The following CCDC63 variants were observed in gnomAD, a reference collection of about 807,000 sequenced individuals.
CCDC63 encodes the protein coiled-coil domain containing 63.
Under a neutral mutation model 63.6 loss-of-function variants are expected in CCDC63, and 54 were observed. The observed-to-expected ratio is 0.85, with a 90% CI of 0.68 to 1.07. CCDC63 has a LOEUF of 1.07. Ranked by LOEUF, CCDC63 falls within the 50% of genes least tolerant of loss-of-function variation. The pLI is 0.00. For missense variants in CCDC63, 637 were observed against 689.6 expected, an observed-to-expected ratio of 0.92 and a Z score of 0.86; for synonymous variants, 253 against 266.1, an observed-to-expected ratio of 0.95 and a Z score of 0.48.
chr12:110,865,619 T>C (rs2070937388), intron 4 of CCDC63, among the ~76,000 whole-genome samples: 1 of 152,166 alleles, frequency 6.6e-6, no homozygotes, highest in Admixed American at 6.6e-5. Context: ...GTTAACTAAA[T>C]AGTGTTGCGG....
At chr12:110,850,694 T>C (rs2070695274) in intron 1 of CCDC63, among the ~76,000 whole-genome samples, 1 of 152,212 alleles carries the variant, frequency 6.6e-6, no homozygotes. Flanking sequence ...TGAGCCGAGA[T>C]TGTGCCGTTG....
At chr12:110,869,745 G>C (rs1050344804) in intron 4 of CCDC63, among the ~76,000 whole-genome samples, 2 of 152,062 alleles carry the variant, frequency 1.3e-5, no homozygotes, top group African/African-American at 4.8e-5. Context: ...ATTTTTTCCT[G>C]CCAGCCATGG....
intron 1 of CCDC63, among the ~76,000 whole-genome samples, chr12:110,847,627 A>C (rs1305312686): frequency 1.3e-5 from 2 of 152,140 alleles, no homozygotes; most frequent in East Asian, 3.8e-4. Context: ...AAAAACAAAA[A>C]ACAAAACAAA....
At chr12:110,865,276 G>C (rs925229683) in intron 4 of CCDC63, among the ~76,000 whole-genome samples, 1 of 152,078 alleles carries the variant, frequency 6.6e-6, no homozygotes, top group Non-Finnish European at 1.5e-5. Context: ...ACTTCTTGCT[G>C]CCTAAAATCC....
chr12:110,847,405 C>T (rs937110597), intron 1 of CCDC63, among the ~76,000 whole-genome samples: 1 of 151,740 alleles, frequency 6.6e-6, no homozygotes, highest in African/African-American at 2.4e-5. Flanking sequence ...TATTTAAAAA[C>T]TTAGCCGGGC....
At chr12:110,848,227 A>G (rs1005503766) in intron 1 of CCDC63, among the ~76,000 whole-genome samples, 5 of 152,218 alleles carry the variant, frequency 3.3e-5, no homozygotes, top group African/African-American at 9.7e-5. Context: ...TGCATGACCC[A>G]CATTTATGTT....
chr12:110,872,489 C>T (rs2071079908), intron 4 of CCDC63, among the ~76,000 whole-genome samples: 1 of 136,012 alleles, frequency 7.4e-6, no homozygotes, highest in African/African-American at 2.9e-5. Context: ...AGAATGGTGA[C>T]CAACTCTCGT....
intron 8 of CCDC63, among the ~76,000 whole-genome samples, chr12:110,886,262 C>G (rs2071277139): frequency 6.6e-6 from 1 of 152,150 alleles, no homozygotes; most frequent in South Asian, 2.1e-4. Context: ...TGGCCTGCAC[C>G]TGCAATCCCA....
At chr12:110,870,592 C>G (rs985485598) in intron 4 of CCDC63, among the ~76,000 whole-genome samples, 3 of 152,228 alleles carry the variant, frequency 2.0e-5, no homozygotes, top group African/African-American at 7.2e-5. Flanking sequence ...CCTCCATCCT[C>G]TGCTCCATCT....
At chr12:110,867,310 G>C (rs1270458135) in intron 4 of CCDC63, among the ~76,000 whole-genome samples, 3 of 67,260 alleles carry the variant, frequency 4.5e-5, no homozygotes, top group African/African-American at 1.4e-4. Flanking sequence ...GGGCAGAGGC[G>C]CCCCTCACCT....
intron 3 of CCDC63, among the ~76,000 whole-genome samples, chr12:110,857,083 G>A (rs1007836284): frequency 1.3e-5 from 2 of 151,750 alleles, no homozygotes; most frequent in African/African-American, 4.8e-5. Context: ...GATGTTACAG[G>A]AGTGAGCCAC....
chr12:110,903,110 C>G (rs2071511731), intron 10 of CCDC63, among the ~76,000 whole-genome samples: 1 of 152,152 alleles, frequency 6.6e-6, no homozygotes, highest in African/African-American at 2.4e-5. Flanking sequence ...CTCCTGATCT[C>G]AAGTGATCTA....
chr12:110,868,804 A>C (rs1471652092), intron 4 of CCDC63, among the ~76,000 whole-genome samples: 3 of 144,690 alleles, frequency 2.1e-5, no homozygotes, highest in Non-Finnish European at 3.0e-5. Flanking sequence ...GGAGAGGGAG[A>C]GCTTAAGCCA....
chr12:110,876,615 T>G (rs984576900), intron 5 of CCDC63, among the ~76,000 whole-genome samples: 2 of 152,160 alleles, frequency 1.3e-5, no homozygotes, highest in Non-Finnish European at 1.5e-5. Flanking sequence ...TAGAACATAC[T>G]TTGAAAACCT....
At chr12:110,877,076 G>T (rs555239804) in intron 5 of CCDC63, among the ~76,000 whole-genome samples, 1 of 152,044 alleles carries the variant, frequency 6.6e-6, no homozygotes, top group South Asian at 2.1e-4. Flanking sequence ...TATATTATTT[G>T]ATACATGTAG....
chr12:110,888,189 G>C (rs919539949), intron 8 of CCDC63, among the ~76,000 whole-genome samples: 2 of 152,128 alleles, frequency 1.3e-5, no homozygotes, highest in Non-Finnish European at 2.9e-5. Flanking sequence ...CGTCACCACT[G>C]TCCTCTGGCG....
chr12:110,857,705 C>A (rs1305004001), intron 3 of CCDC63, among the ~76,000 whole-genome samples: 3 of 152,158 alleles, frequency 2.0e-5, no homozygotes, highest in Non-Finnish European at 4.4e-5. Flanking sequence ...TTTTCCAAAT[C>A]CCCCTGTTTT....
At chr12:110,900,247 A>G (rs1478920898) in intron 10 of CCDC63, among the ~76,000 whole-genome samples, 1 of 151,108 alleles carries the variant, frequency 6.6e-6, no homozygotes, top group African/African-American at 2.4e-5. Context: ...ATAACACCCA[A>G]AACTACAGCG....
intron 5 of CCDC63, 39 bp from the exon 6 acceptor site, chr12:110,879,867 A>T: frequency 6.2e-7 from 1 of 1,602,420 alleles, no homozygotes; most frequent in Non-Finnish European, 8.5e-7. Flanking sequence ...CTTACAAAAC[A>T]GAAATGAGAC....
Sources: gnomAD v4.1 joint callset for allele counts (sites outside exome capture counted in the v4.1 genomes callset) on GRCh38, gnomAD v4.1.1 for gene constraint, MANE v1.5 for transcripts, NCBI Gene and HGNC (gene_info 2026-07-23, HGNC 2026-07-21) for gene names.